Variants in TMEM272 observed in about 807,000 individuals in gnomAD.
The protein encoded by TMEM272 is transmembrane protein 272, also known as long intergenic non-protein coding RNA 282.
A neutral mutation model predicts 3.7 loss-of-function variants in TMEM272; 8 were observed. The ratio of observed to expected loss-of-function variants is 2.17; its 90% CI spans 1.27 to 3.91. The LOEUF (loss-of-function observed/expected upper bound fraction) is 3.91, where lower values mean the gene tolerates loss of function less well. Ranked by LOEUF, TMEM272 falls within the 30% of genes most tolerant of loss-of-function variation. The pLI, the probability that TMEM272 is intolerant of heterozygous loss-of-function variation, is 0.00. For missense variants in TMEM272, 166 were observed against 91.5 expected, an observed-to-expected ratio of 1.81 and a Z score of -3.32; for synonymous variants, 63 against 39.8, an observed-to-expected ratio of 1.58 and a Z score of -2.20.
upstream of TMEM272, among the ~76,000 whole-genome samples, chr13:51,849,718 G>A (rs1956322419): frequency 6.6e-6 from 1 of 152,244 alleles, no homozygotes; most frequent in Non-Finnish European, 1.5e-5. Flanking sequence ...CAGGTCTGAA[G>A]TGGCGCCTTG....
At chr13:51,869,069 C>T in the TMEM272 span, among the ~76,000 whole-genome samples, 1 of 152,238 alleles carries the variant, frequency 6.6e-6, no homozygotes, top group Non-Finnish European at 1.5e-5. Context: ...ACTCACCCAA[C>T]CCCTCTCCAC....
the TMEM272 span, among the ~76,000 whole-genome samples, chr13:51,860,702 GAA>G: frequency 8.2e-4 from 114 of 138,284 alleles, 1 homozygote; most frequent in Non-Finnish European, 1.3e-3. Context: ...AAAAGAGACA[GAA>G]AAGTATGTGT....
chr13:51,930,140 T>C, the TMEM272 span, among the ~76,000 whole-genome samples: 4 of 149,846 alleles, frequency 2.7e-5, no homozygotes, highest in Admixed American at 6.7e-5. Context: ...CCCCCCCCAC[T>C]TTCTATATTT....
At chr13:51,873,795 T>C in the TMEM272 span, among the ~76,000 whole-genome samples, 2 of 152,190 alleles carry the variant, frequency 1.3e-5, no homozygotes, top group African/African-American at 4.8e-5. Context: ...CTACCTGTAC[T>C]TCCCCTGGCC....
chr13:51,831,071 C>T (rs1210956989), intron 2 of TMEM272, among the ~76,000 whole-genome samples: 1 of 152,192 alleles, frequency 6.6e-6, no homozygotes, highest in Non-Finnish European at 1.5e-5. Flanking sequence ...TCTCAATGGC[C>T]GCTCTAGATC....
chr13:51,880,576 A>G, the TMEM272 span, among the ~76,000 whole-genome samples: 1 of 152,242 alleles, frequency 6.6e-6, no homozygotes, highest in East Asian at 1.9e-4. Context: ...CGGTCCCCAC[A>G]CTACCTTCCC....
the TMEM272 span, among the ~76,000 whole-genome samples, chr13:51,852,047 G>GCCT: frequency 6.6e-6 from 1 of 152,232 alleles, no homozygotes. Context: ...AAATTCACGT[G>GCCT]TAATTTTCTT....
At chr13:51,854,084 A>C in the TMEM272 span, among the ~76,000 whole-genome samples, 1 of 152,244 alleles carries the variant, frequency 6.6e-6, no homozygotes, top group Non-Finnish European at 1.5e-5. Flanking sequence ...TCTTGAGTGA[A>C]CAGAAAATAT....
intron 4 of TMEM272, among the ~76,000 whole-genome samples, chr13:51,820,597 C>A (rs918811439): frequency 1.3e-5 from 2 of 152,200 alleles, no homozygotes; most frequent in Non-Finnish European, 2.9e-5. Context: ...GAGGAACAGA[C>A]CCCACGGACA....
the TMEM272 span, among the ~76,000 whole-genome samples, chr13:51,888,003 A>G: frequency 5.6e-3 from 848 of 152,206 alleles, 6 homozygotes; most frequent in Non-Finnish European, 8.5e-3. Context: ...TAAATGGTAA[A>G]GTGTGATTGC....
chr13:51,912,556 T>C, the TMEM272 span, among the ~76,000 whole-genome samples: 1 of 152,206 alleles, frequency 6.6e-6, no homozygotes, highest in African/African-American at 2.4e-5. Context: ...TTCTCTTTCT[T>C]TCACTAAACT....
chr13:51,918,803 C>CTTTTTTTTTTT, the TMEM272 span, among the ~76,000 whole-genome samples: 8 of 81,042 alleles, frequency 9.9e-5, no homozygotes, highest in East Asian at 4.0e-4. Flanking sequence ...TTTTGAAATT[C>CTTTTTTTTTTT]TTTTTTTTTT....
chr13:51,897,726 A>G, the TMEM272 span, among the ~76,000 whole-genome samples: 3 of 151,168 alleles, frequency 2.0e-5, no homozygotes, highest in Admixed American at 1.3e-4. Context: ...CAGGAGTTGG[A>G]GACCAGCCTG....
the TMEM272 span, chr13:51,933,263 A>C: frequency 6.6e-6 from 1 of 152,198 alleles, no homozygotes; most frequent in East Asian, 1.9e-4. Context: ...CTGCTTGTCC[A>C]TTGGCTATGT....
the TMEM272 span, among the ~76,000 whole-genome samples, chr13:51,924,957 C>T: frequency 5.3e-5 from 8 of 152,150 alleles, no homozygotes; most frequent in Non-Finnish European, 8.8e-5. Flanking sequence ...GCGGATTTTA[C>T]GCTGCAGGAC....
chr13:51,881,728 G>C, the TMEM272 span, among the ~76,000 whole-genome samples: 1 of 152,084 alleles, frequency 6.6e-6, no homozygotes, highest in East Asian at 1.9e-4. Context: ...CCATGTGAGG[G>C]GGCAGCAAGA....
chr13:51,882,753 A>G, the TMEM272 span, among the ~76,000 whole-genome samples: 1 of 151,498 alleles, frequency 6.6e-6, no homozygotes, highest in Non-Finnish European at 1.5e-5. Flanking sequence ...AAAAATAAAT[A>G]ACAAATAAAA....
At chr13:51,843,195 C>T (rs1469396434) in intron 1 of TMEM272, among the ~76,000 whole-genome samples, 1 of 152,166 alleles carries the variant, frequency 6.6e-6, no homozygotes, top group African/African-American at 2.4e-5. Context: ...TATGTTCCCC[C>T]TTGTGATTTG....
At chr13:51,863,240 G>A in the TMEM272 span, among the ~76,000 whole-genome samples, 1 of 152,234 alleles carries the variant, frequency 6.6e-6, no homozygotes, top group Admixed American at 6.5e-5. Context: ...AGGAAGGAGA[G>A]GGAGAAGCAA....
Sources: gnomAD v4.1 joint callset for allele counts (sites outside exome capture counted in the v4.1 genomes callset) on GRCh38, gnomAD v4.1.1 for gene constraint, MANE v1.5 for transcripts, NCBI Gene and HGNC (gene_info 2026-07-23, HGNC 2026-07-21) for gene names.